ABCC11: variants seen among roughly 807,000 people sequenced by gnomAD.
ABCC11 encodes the protein ATP-binding cassette sub-family C member 11.
Under a neutral mutation model 149.3 loss-of-function variants are expected in ABCC11, and 135 were observed. The ratio of observed to expected loss-of-function variants is 0.90; its 90% CI spans 0.79 to 1.04. The LOEUF is 1.04. Ranked by LOEUF, ABCC11 falls within the 50% of genes least tolerant of loss-of-function variation. ABCC11 has a pLI of 0.00. For missense variants in ABCC11, 1,680 were observed against 1,722.1 expected, an observed-to-expected ratio of 0.98 and a Z score of 0.43; for synonymous variants, 665 against 671.4, an observed-to-expected ratio of 0.99 and a Z score of 0.15.
At chr16:48,193,786 C>T in intron 19 of ABCC11, 93 bp downstream of exon 19, 2 of 1,053,556 alleles carry the variant, frequency 1.9e-6, no homozygotes, top group Non-Finnish European at 2.8e-6. Flanking sequence ...GGTCCCAAGC[C>T]ATGCTCTGGC....
At chr16:48,232,001 C>T (rs567845514) in intron 1 of ABCC11, 62 bp from the exon 2 acceptor site, 6 of 1,601,346 alleles carry the variant, frequency 3.7e-6, no homozygotes, top group South Asian at 2.2e-5. Flanking sequence ...GCTTAGATCT[C>T]GCCTTGAGCA....
chr16:48,242,926 A>G (rs970033466), intron 1 of ABCC11, among the ~76,000 whole-genome samples: 1 of 152,162 alleles, frequency 6.6e-6, no homozygotes, highest in African/African-American at 2.4e-5. Context: ...GGGAAGGGAT[A>G]CCATTAGGAG....
At position 48,235,661 on chromosome 16, in the gene ABCC11, T is replaced by G. The variant is rs193048057; in HGVS notation, c.-18-3722A>C. Among the ~76,000 whole-genome samples the G allele has an allele frequency of 2.0e-3, 306 of 152,278 alleles. 2 individuals are homozygous for G. The highest frequency in any genetic ancestry group is 6.8e-3 in the African/African-American group (284 of 41,532). The stretch of plus-strand genomic sequence containing the variant: ...GCAGTCCCGGAAGCATTCCCTGGAC[T>G]CCCAATTCTCTTTCCGGAAGAAAAT... On this transcript the variant is annotated intron_variant, in intron 1 of 29. Coordinates refer to ENST00000356608, the MANE Select transcript of ABCC11 (RefSeq NM_001370497.1).
At position 48,198,207 on chromosome 16, in the gene ABCC11, A is replaced by G. The variant is rs1321359007; in HGVS notation, c.2151T>C (p.Ser717=). The G allele has an allele frequency of 6.2e-7, 1 of 1,614,020 alleles. No homozygotes were observed. The highest frequency in any genetic ancestry group is 8.5e-7 in the Non-Finnish European group (1 of 1,180,038). ...ATTTCCCCTTTTTCTGCATTAACTC[A>G]CTGTGAGTTCCATTTTCACAGATTT... ...NGKICENGTH[S]ELMQKKGKYA... Residue 717 remains serine (S), a synonymous_variant, in exon 16 of 30, where the codon AGT becomes AGC. Coordinates refer to ENST00000356608, the MANE Select transcript of ABCC11 (RefSeq NM_001370497.1).
At chr16:48,184,740 A>G in intron 22 of ABCC11, 114 bp from the exon 23 acceptor site, 2 of 1,106,814 alleles carry the variant, frequency 1.8e-6, no homozygotes, top group Non-Finnish European at 2.6e-6. Flanking sequence ...TCCCAGCAGC[A>G]GGGCCTGATT....
intron 26 of ABCC11, among the ~76,000 whole-genome samples, chr16:48,172,817 A>C (rs537476253): frequency 6.6e-6 from 1 of 152,318 alleles, no homozygotes; most frequent in East Asian, 1.9e-4. Context: ...AAAGAATCCT[A>C]ACATCCAGGT....
intron 6 of ABCC11, 73 bp from the exon 7 acceptor site, chr16:48,216,360 C>T (rs1969346061): frequency 6.9e-7 from 1 of 1,455,698 alleles, no homozygotes; most frequent in African/African-American, 1.4e-5. Context: ...GGTGGCCTCC[C>T]CATGCCCTCT....
At chr16:48,231,754 A>G in intron 2 of ABCC11, 69 bp downstream of exon 2, 1 of 1,573,244 alleles carries the variant, frequency 6.4e-7, no homozygotes, top group Admixed American at 1.8e-5. Flanking sequence ...GTTTGACGTA[A>G]TTTATGACCG....
Position 48,194,913 on chromosome 16 carries a change from G to T in ABCC11, c.2405-931C>A, listed in dbSNP as rs138203810. ...AGCAGCACAAATAGGCTAATAAAAT[G>T]AGGAAACTTAATCTGAGAGGGGAAC... On this transcript the variant is annotated intron_variant, in intron 18 of 29. Coordinates refer to ENST00000356608, the MANE Select transcript of ABCC11 (RefSeq NM_001370497.1). Among the ~76,000 whole-genome samples, 84 of 152,300 alleles carry T rather than the reference G, an allele frequency of 5.5e-4. 2 individuals carry two copies. In the East Asian group the frequency reaches 0.015, roughly 28 times the overall value.
At chr16:48,170,271 AC>A in intron 27 of ABCC11, 53 bp from the exon 28 acceptor site, 3 of 1,353,612 alleles carry the variant, frequency 2.2e-6, no homozygotes, top group Non-Finnish European at 3.2e-6. Context: ...GTGGGGTGAG[AC>A]CCAACCTGAC....
At chr16:48,173,638 G>A (rs916879118) in intron 26 of ABCC11, among the ~76,000 whole-genome samples, 13 of 152,232 alleles carry the variant, frequency 8.5e-5, no homozygotes, top group African/African-American at 3.1e-4. Context: ...GGCGGGGAAG[G>A]TTTTGAGACA....
intron 11 of ABCC11, chr16:48,209,597 C>T (rs569334953): frequency 3.9e-4 from 62 of 158,170 alleles, no homozygotes; most frequent in Non-Finnish European, 5.2e-4. Flanking sequence ...TCCTGCTGTG[C>T]GGCCTGGTTT....
chr16:48,206,277 A>G (rs1968442329), intron 12 of ABCC11, among the ~76,000 whole-genome samples: 1 of 152,228 alleles, frequency 6.6e-6, no homozygotes, highest in Non-Finnish European at 1.5e-5. Flanking sequence ...TTTGGACATC[A>G]CGATGAAGTA....
intron 10 of ABCC11, 115 bp downstream of exon 10, chr16:48,213,328 T>A (rs1969076687): frequency 2.4e-6 from 2 of 833,980 alleles, no homozygotes; most frequent in African/African-American, 1.7e-5. Context: ...AGTTAGCTAA[T>A]CCCTCTCTCG....
chr16:48,214,561 C>T (rs1969184825), intron 9 of ABCC11, among the ~76,000 whole-genome samples: 1 of 152,174 alleles, frequency 6.6e-6, no homozygotes, highest in African/African-American at 2.4e-5. Flanking sequence ...AGTGCACTCC[C>T]AGGGCCCTTA....
At chr16:48,210,812 A>T (rs1340470799) in intron 11 of ABCC11, 136 bp downstream of exon 11, 3 of 1,223,470 alleles carry the variant, frequency 2.5e-6, no homozygotes, top group Middle Eastern at 2.8e-4. Flanking sequence ...TCCATGAAAA[A>T]TTTGAATTTT....
chr16:48,181,611 C>CTT (rs1201878982), intron 23 of ABCC11, among the ~76,000 whole-genome samples: 24 of 142,234 alleles, frequency 1.7e-4, no homozygotes, highest in Admixed American at 3.5e-4. Context: ...ACCACATGTT[C>CTT]TTTTTTTTTT....
rs186963139 is a variant in ABCC11, at chr16:48,175,662, A to C, written c.3539-245T>G. Among the ~76,000 whole-genome samples, 23 of 152,338 alleles carry C rather than the reference A, an allele frequency of 1.5e-4. No individual in the cohort carries two copies. The East Asian group carries it at 3.3e-3, about 22-fold the overall frequency. ...CCCCTGGATCAAAGCCAGCCCGCAG[A>C]CATGTTTTGTTTCATATACACAATG... On this transcript the variant is annotated intron_variant, in intron 25 of 29. Coordinates refer to ENST00000356608, the MANE Select transcript of ABCC11 (RefSeq NM_001370497.1).
chr16:48,190,354 A>C (rs75843750), intron 20 of ABCC11, among the ~76,000 whole-genome samples: 3,914 of 151,804 alleles, frequency 0.026, 183 homozygotes, highest in African/African-American at 0.09. Context: ...TGATACCATA[A>C]GCAATTTGGT....
Sources: allele counts gnomAD v4.1 joint callset (sites outside exome capture counted in the v4.1 genomes callset), GRCh38; gene constraint gnomAD v4.1.1; transcripts MANE v1.5; gene names NCBI Gene and HGNC (gene_info 2026-07-23, HGNC 2026-07-21).